The following SP140L variants were observed in gnomAD, a reference collection of about 807,000 sequenced individuals.
SP140L encodes nuclear body protein SP140-like protein.
Under a neutral mutation model 84.3 loss-of-function variants are expected in SP140L, and 64 were observed. The ratio of observed to expected loss-of-function variants is 0.76; its 90% CI spans 0.62 to 0.94. SP140L has a LOEUF of 0.94. Among genes scored for constraint, SP140L ranks in the 40% least tolerant of loss-of-function variants. The probability of loss-of-function intolerance (pLI) is 0.00; values close to 1 mark genes in which losing one functional copy is unlikely to be tolerated. For missense variants in SP140L, 628 were observed against 692.5 expected (o/e 0.91, Z 1.05); for synonymous variants, 242 against 236.9 (o/e 1.02, Z -0.20).
At chr2:230,339,276 A>C (rs979050928) in intron 2 of SP140L, among the ~76,000 whole-genome samples, 6 of 151,522 alleles carry the variant, frequency 4.0e-5, no homozygotes, top group South Asian at 4.2e-4. Flanking sequence ...TTTCTAGTTT[A>C]TTTGCGTAGA....
At chr2:230,355,714 C>A (rs79152944) in intron 2 of SP140L, among the ~76,000 whole-genome samples, 19,166 of 152,120 alleles carry the variant, frequency 0.13, 1,914 homozygotes, top group East Asian at 0.47. Flanking sequence ...CAGATATAAA[C>A]CCATGTTCAT....
intron 6 of SP140L, 149 bp from the exon 7 acceptor site, chr2:230,371,449 A>G (rs2061067256): frequency 1.4e-6 from 1 of 730,080 alleles, no homozygotes; most frequent in African/African-American, 1.8e-5. Flanking sequence ...TTCTCAGTTC[A>G]GTGGGTTTTT....
chr2:230,354,642 G>A (rs2060461231), intron 2 of SP140L, among the ~76,000 whole-genome samples: 1 of 151,840 alleles, frequency 6.6e-6, no homozygotes, highest in African/African-American at 2.4e-5. Flanking sequence ...GCTGGGCATG[G>A]TGACATCTGT....
rs773304325 is a variant in SP140L, at chr2:230,390,020, C to A, written c.961C>A (p.Gln321Lys). The change falls in exon 11 of 19, where the codon CAA (glutamine) becomes AAA (lysine). Residue 321 changes from glutamine to lysine, a missense_variant. Gln to Lys is a moderately conservative substitution (Grantham distance 53). This residue lies in a region of SP140L where 525 missense variants were observed against 518.4 expected (regional missense o/e 1.01). Transcript: ENST00000415673. Reference protein sequence around the residue: ...KGILHKEKLEQGTLAKCIQTE... With the variant: ...KGILHKEKLEKGTLAKCIQTE... The stretch of plus-strand genomic sequence containing the variant: ...AATTTTACATAAGGAGAAATTGGAA[C>A]AAGGTGGGTTTCATAGTCTTCTTTA... 6.2e-7 allele frequency: 1 copy of A among 1,612,640 alleles called. No individual in the cohort carries two copies.
intron 2 of SP140L, among the ~76,000 whole-genome samples, chr2:230,341,775 C>T (rs532771956): frequency 6.6e-6 from 1 of 152,280 alleles, no homozygotes; most frequent in East Asian, 1.9e-4. Context: ...TGTGCCCCTG[C>T]TGGGGGGTGC....
At chr2:230,389,779 G>A (rs2061727334) in intron 10 of SP140L, 140 bp from the exon 11 acceptor site, 1 of 835,252 alleles carries the variant, frequency 1.2e-6, no homozygotes. Flanking sequence ...ATGCCACTTG[G>A]AAGAAAGACT....
Position 230,370,888 on chromosome 2 carries a change from C to T in SP140L, c.524-20C>T, listed in dbSNP as rs377463664. On this transcript the variant is annotated intron_variant, in intron 5 of 18. Transcript: ENST00000415673. ...CAGCATGTGAAAATGAGAAGTGTTC[C>T]TATGTCATGTGTTTCTCAGGAGAAG... The T allele has an allele frequency of 6.2e-7, 1 of 1,611,754 alleles. No individual in the cohort carries two copies. Among genetic ancestry groups the T allele is most frequent in the Non-Finnish European group, 8.5e-7 (1 of 1,178,596 alleles).
intron 2 of SP140L, among the ~76,000 whole-genome samples, chr2:230,342,968 C>A (rs1285741333): frequency 6.6e-6 from 1 of 152,140 alleles, no homozygotes; most frequent in Non-Finnish European, 1.5e-5. Context: ...TGTAAAGCTA[C>A]GTTGTTGGAG....
intron 14 of SP140L, among the ~76,000 whole-genome samples, chr2:230,398,999 G>A (rs1430798060): frequency 6.6e-6 from 1 of 152,216 alleles, no homozygotes; most frequent in African/African-American, 2.4e-5. Context: ...AGCCGGCGGA[G>A]GACTTGTAGA....
intron 7 of SP140L, among the ~76,000 whole-genome samples, chr2:230,380,871 C>A (rs910458220): frequency 6.6e-6 from 1 of 152,104 alleles, no homozygotes; most frequent in East Asian, 1.9e-4. Flanking sequence ...GTTTATAATT[C>A]TCCTGATGAA....
At chr2:230,387,161 A>T (rs993267785) in intron 9 of SP140L, among the ~76,000 whole-genome samples, 8 of 152,210 alleles carry the variant, frequency 5.3e-5, no homozygotes, top group Admixed American at 6.5e-5. Context: ...GAGCAAAAAG[A>T]TTAACATGCG....
At chr2:230,340,422 T>C (rs546178396) in intron 2 of SP140L, among the ~76,000 whole-genome samples, 3,842 of 148,660 alleles carry the variant, frequency 0.026, 241 homozygotes, top group African/African-American at 0.09. Context: ...TACAGCACAC[T>C]GATGGGTCTT....
intron 7 of SP140L, among the ~76,000 whole-genome samples, chr2:230,381,406 C>T (rs967552402): frequency 1.3e-5 from 2 of 152,096 alleles, no homozygotes; most frequent in South Asian, 2.1e-4. Context: ...ACCCTGATAC[C>T]GTGAGTACAG....
chr2:230,363,521 G>GTTT (rs60055886), intron 5 of SP140L, among the ~76,000 whole-genome samples: 17 of 146,594 alleles, frequency 1.2e-4, no homozygotes, highest in African/African-American at 3.5e-4. Flanking sequence ...ATTTGTTTTT[G>GTTT]TTTTTTTTTT....
At chr2:230,330,560 C>T (rs564760654) in intron 2 of SP140L, among the ~76,000 whole-genome samples, 1 of 152,342 alleles carries the variant, frequency 6.6e-6, no homozygotes, top group Admixed American at 6.5e-5. Flanking sequence ...AGAGAGCCGA[C>T]ATATTTACAA....
At chr2:230,395,474 G>T (rs1331808025) in intron 13 of SP140L, among the ~76,000 whole-genome samples, 1 of 152,288 alleles carries the variant, frequency 6.6e-6, no homozygotes, top group African/African-American at 2.4e-5. Flanking sequence ...CACCTACTCA[G>T]GAGGCTGAGG....
chr2:230,339,107 C>T (rs2149687717), intron 2 of SP140L, among the ~76,000 whole-genome samples: 1 of 148,030 alleles, frequency 6.8e-6, no homozygotes, highest in Admixed American at 6.7e-5. Context: ...TAGAATTCGG[C>T]TGTGAATCCA....
intron 14 of SP140L, among the ~76,000 whole-genome samples, chr2:230,397,378 G>A (rs537708319): frequency 2.6e-4 from 40 of 152,244 alleles, no homozygotes; most frequent in African/African-American, 9.6e-4. Context: ...CAGTCTCAGG[G>A]AAGCCATTAG....
intron 14 of SP140L, among the ~76,000 whole-genome samples, chr2:230,397,656 G>A (rs1181521325): frequency 6.6e-6 from 1 of 152,150 alleles, no homozygotes; most frequent in Non-Finnish European, 1.5e-5. Context: ...ACTCCAGGGG[G>A]CAGGACTCAC....
Sources: allele counts gnomAD v4.1 joint callset (sites outside exome capture counted in the v4.1 genomes callset), GRCh38; gene constraint gnomAD v4.1.1; regional missense constraint gnomAD v4.1.1; transcripts MANE v1.5; gene names NCBI Gene and HGNC (gene_info 2026-07-23, HGNC 2026-07-21).